P4HA1: variants seen among roughly 807,000 people sequenced by gnomAD.
The protein encoded by P4HA1 is prolyl 4-hydroxylase subunit alpha 1, also known as prolyl 4-hydroxylase subunit alpha-1.
A neutral mutation model predicts 72.8 loss-of-function variants in P4HA1; 24 were observed. The ratio of observed to expected loss-of-function variants is 0.33; its 90% CI spans 0.24 to 0.46. P4HA1 has a LOEUF of 0.46. Among genes scored for constraint, P4HA1 ranks in the 20% least tolerant of loss-of-function variants. The pLI is 1.00. For synonymous variants in P4HA1, 201 were observed against 218.8 expected (o/e 0.92, Z 0.72); for missense variants, 446 against 640.6 (o/e 0.70, Z 3.28).
At chr10:73,086,933 CAAAAAAAAAAAAAA>C (rs59200288) in intron 1 of P4HA1, among the ~76,000 whole-genome samples, 24 of 33,096 alleles carry the variant, frequency 7.3e-4, no homozygotes, top group Non-Finnish European at 2.3e-4. Context: ...GAGTGCATCT[CAAAAAAAAAAAAAA>C]AAAAAAAAAA....
intron 10 of P4HA1, among the ~76,000 whole-genome samples, chr10:73,022,043 A>C (rs1414131950): frequency 6.6e-6 from 1 of 152,134 alleles, no homozygotes; most frequent in Non-Finnish European, 1.5e-5. Context: ...GCCTCTGTAG[A>C]CTCCACCTCT....
intron 1 of P4HA1, among the ~76,000 whole-genome samples, chr10:73,075,582 TA>T (rs1037546769): frequency 3.0e-4 from 46 of 152,274 alleles, no homozygotes; most frequent in African/African-American, 1.1e-3. Context: ...GACTTTCTCA[TA>T]AAAATGTACC....
In P4HA1 at chr10:73,051,272, T is replaced by G. The variant is rs778680606; in HGVS notation, c.704-23A>C. ...GATCTATTAGAAGAGAAACAAAGCA[T>G]GTCCATGGGTAAGTTCATGCTTGTT... On this transcript the variant is annotated intron_variant, in intron 6 of 14. Transcript: ENST00000394890. 17 of 1,308,706 alleles carry G rather than the reference T, an allele frequency of 1.3e-5. No individual in the cohort carries two copies. The East Asian group carries it at 3.5e-4, about 27-fold the overall frequency. 81.1% of individuals were successfully genotyped at this position (1,308,706 alleles called of 1,614,324 possible).
intron 5 of P4HA1, among the ~76,000 whole-genome samples, chr10:73,056,005 T>C (rs1841140000): frequency 6.6e-6 from 1 of 152,200 alleles, no homozygotes; most frequent in African/African-American, 2.4e-5. Context: ...CAAAACCTAA[T>C]AGTGGGAGGA....
At chr10:73,041,515 T>TG (rs1179033449) in intron 9 of P4HA1, among the ~76,000 whole-genome samples, 2 of 141,016 alleles carry the variant, frequency 1.4e-5, no homozygotes, top group Non-Finnish European at 3.0e-5. Flanking sequence ...CACTCCAGCC[T>TG]GGGGGCGACA....
chr10:73,087,427 C>T (rs1391845361), intron 1 of P4HA1, among the ~76,000 whole-genome samples: 3 of 151,992 alleles, frequency 2.0e-5, no homozygotes, highest in African/African-American at 7.2e-5. Context: ...TGCCACCACA[C>T]CTGACCAATT....
Position 73,054,861 on chromosome 10 carries a change from A to G in P4HA1, c.464-1271T>C, listed in dbSNP as rs568016727. On this transcript the variant is annotated intron_variant, in intron 5 of 14. Coordinates refer to ENST00000394890, the MANE Select transcript of P4HA1 (RefSeq NM_001017962.3). ...CCTGGTGACTAGTTATGTTGGGCCT[A>G]TTATCGTGTGCTTATTTCCATTTGT... Among the ~76,000 whole-genome samples, 6 of 152,222 alleles carry G rather than the reference A, an allele frequency of 3.9e-5. No homozygotes were observed. In the South Asian group the frequency reaches 8.3e-4, roughly 21 times the overall value.
chr10:73,095,222 CAAGCT>C (rs1842135635), intron 1 of P4HA1, among the ~76,000 whole-genome samples: 1 of 93,300 alleles, frequency 1.1e-5, no homozygotes, highest in Admixed American at 1.4e-4. Flanking sequence ...ATTACGCTCA[CAAGCT>C]AAAAAAAAAA....
intron 9 of P4HA1, among the ~76,000 whole-genome samples, chr10:73,037,485 C>T (rs1840603632): frequency 7.4e-6 from 1 of 136,044 alleles, no homozygotes; most frequent in Non-Finnish European, 1.5e-5. Flanking sequence ...TAACCCGACA[C>T]ACACATAAGA....
At chr10:73,061,871 C>T (rs1841321900) in intron 5 of P4HA1, among the ~76,000 whole-genome samples, 1 of 151,968 alleles carries the variant, frequency 6.6e-6, no homozygotes, top group Admixed American at 6.6e-5. Context: ...ATTTAAAAAT[C>T]AGCCAGGTGT....
chr10:73,018,456 T>C (rs1840059751), intron 10 of P4HA1, among the ~76,000 whole-genome samples: 1 of 152,120 alleles, frequency 6.6e-6, no homozygotes, highest in African/African-American at 2.4e-5. Flanking sequence ...ACACTTCTCT[T>C]TCTAGGGAGT....
chr10:73,015,264 A>G (rs1429236055), intron 11 of P4HA1, among the ~76,000 whole-genome samples: 1 of 152,230 alleles, frequency 6.6e-6, no homozygotes, highest in Non-Finnish European at 1.5e-5. Flanking sequence ...CAGAAAAATG[A>G]AAATGCATTT....
intron 1 of P4HA1, among the ~76,000 whole-genome samples, chr10:73,080,664 T>A (rs1041531910): frequency 2.6e-5 from 4 of 152,214 alleles, no homozygotes; most frequent in African/African-American, 9.6e-5. Flanking sequence ...GGCTCACACC[T>A]GTAATCCCAG....
At chr10:73,077,572 T>G (rs1841728802) in intron 1 of P4HA1, among the ~76,000 whole-genome samples, 1 of 152,156 alleles carries the variant, frequency 6.6e-6, no homozygotes, top group African/African-American at 2.4e-5. Flanking sequence ...TACATAATGT[T>G]TCAAAATGAA....
chr10:73,043,986 T>C (rs776883580), intron 9 of P4HA1: 3 of 1,559,270 alleles, frequency 1.9e-6, no homozygotes, highest in Non-Finnish European at 2.6e-6. Flanking sequence ...GACAAGGACT[T>C]ACTCCAGTAG....
chr10:73,078,777 A>G (rs1274180999), intron 1 of P4HA1, among the ~76,000 whole-genome samples: 12 of 151,832 alleles, frequency 7.9e-5, no homozygotes, highest in Admixed American at 7.9e-4. Context: ...ACGCCCAGCT[A>G]ATTTTTGTAT....
At chr10:73,036,951 G>A (rs1274615327) in intron 9 of P4HA1, among the ~76,000 whole-genome samples, 1 of 151,916 alleles carries the variant, frequency 6.6e-6, no homozygotes, top group East Asian at 1.9e-4. Flanking sequence ...TAAATCATAA[G>A]AAATCCAGAG....
intron 13 of P4HA1, 32 bp downstream of exon 13, chr10:73,010,937 T>A: frequency 6.4e-7 from 1 of 1,559,582 alleles, no homozygotes; most frequent in East Asian, 2.2e-5. Context: ...GGGAAAAAAT[T>A]AATAAACCAA....
intron 7 of P4HA1, 57 bp downstream of exon 7, chr10:73,050,996 T>C (rs1841005802): frequency 8.3e-7 from 1 of 1,210,692 alleles, no homozygotes; most frequent in Non-Finnish European, 1.2e-6. Context: ...TCCAGAACTG[T>C]GTACAAACAC....
Sources: allele counts gnomAD v4.1 joint callset (sites outside exome capture counted in the v4.1 genomes callset), GRCh38; gene constraint gnomAD v4.1.1; transcripts MANE v1.5; gene names NCBI Gene and HGNC (gene_info 2026-07-23, HGNC 2026-07-21).